The following FGFR1 variants were observed in gnomAD, a reference collection of about 807,000 sequenced individuals.
FGFR1 encodes the protein FGFR1/PLAG1 fusion.
A neutral mutation model predicts 93.7 loss-of-function variants in FGFR1; 18 were observed. That is an observed-to-expected ratio of 0.19 (90% CI 0.13 to 0.28). The LOEUF is 0.28. FGFR1 is among the 10% of genes least tolerant of loss of function. The pLI, the probability that FGFR1 is intolerant of heterozygous loss-of-function variation, is 1.00. For missense variants in FGFR1, 731 were observed against 1,080.4 expected, an observed-to-expected ratio of 0.68 and a Z score of 4.53; for synonymous variants, 448 against 429.3, an observed-to-expected ratio of 1.04 and a Z score of -0.54.
In FGFR1 at chr8:38,413,574, G is replaced by A; in HGVS notation, c.*54C>T. 1 of 1,549,382 alleles carries A rather than the reference G, an allele frequency of 6.5e-7. No homozygotes were observed. Among genetic ancestry groups the A allele is most frequent in the Non-Finnish European group, 8.7e-7 (1 of 1,143,400 alleles). On this transcript the variant is annotated 3_prime_UTR_variant, in exon 18 of 18. Coordinates refer to ENST00000447712, the MANE Select transcript of FGFR1 (RefSeq NM_023110.3). This position sits in a 1 kb window ranked among gnomAD's most constrained non-coding sequence, Gnocchi z 4.2. ...ACAGGTGGTGGGCCCAGCAGGGGCT[G>A]TGGGTGAGGGTTACAGCTGACGGTG... is the stretch of plus-strand genomic sequence containing the variant.
rs1017214871 is a variant in FGFR1 at position 38,412,060 on chromosome 8, C to T, written c.*1568G>A. The T allele has an allele frequency of 9.0e-6, 2 of 222,398 alleles. No individual in the cohort carries two copies. The highest frequency in any genetic ancestry group is 1.8e-5 in the Non-Finnish European group (2 of 111,358). 13.8% of individuals were successfully genotyped at this position (222,398 alleles called of 1,614,324 possible). On this transcript the variant is annotated 3_prime_UTR_variant, in exon 18 of 18. Coordinates refer to ENST00000447712, the MANE Select transcript of FGFR1 (RefSeq NM_023110.3). Reference sequence around the variant, plus strand: ...CTGGGTTTCAGTTTCTGCAGACCTTCATCATTTGTTTTCCTTTTTGTTTTC... The same window carrying T: ...CTGGGTTTCAGTTTCTGCAGACCTTTATCATTTGTTTTCCTTTTTGTTTTC...
intron 2 of FGFR1, among the ~76,000 whole-genome samples, chr8:38,437,357 CAT>C (rs1825806737): frequency 6.6e-6 from 1 of 152,188 alleles, no homozygotes; most frequent in Admixed American, 6.5e-5. Context: ...GCCCAGAAGG[CAT>C]ATGTCTTGCC....
At chr8:38,437,186 C>G (rs1181501018) in intron 2 of FGFR1, among the ~76,000 whole-genome samples, 1 of 152,154 alleles carries the variant, frequency 6.6e-6, no homozygotes, top group African/African-American at 2.4e-5. Context: ...TGGGAACCAT[C>G]AGAGACCCAA....
chr8:38,430,881 G>A (rs749216070), intron 2 of FGFR1: 1 of 151,936 alleles, frequency 6.6e-6, no homozygotes, highest in Non-Finnish European at 1.5e-5. Flanking sequence ...GCCTCTTCCC[G>A]CACGCGTTCA....
chr8:38,461,369 C>G, intron 1 of FGFR1: 1 of 512,740 alleles, frequency 2.0e-6, no homozygotes, highest in Middle Eastern at 5.1e-4. Context: ...GAGTGTTGCT[C>G]TGTCACCCAA....
rs1486438088 is a variant in FGFR1 at position 38,429,769 on chromosome 8, A to G, written c.271T>C (p.Ser91Pro). ...TAGAGGCCGGAGTCTGCGGGCACGG[A>G]GTCCTGCACCTCCACCTCCTCCCCT... ...ITGEEVEVQD[S>P]VPADSGLYAC... is the part of the protein sequence containing the mutation. The change falls in exon 3 of 18, where the codon TCC (serine) becomes CCC (proline). Residue 91 changes from serine (S) to proline (P), a missense_variant. Physicochemically the swap from Ser to Pro is moderately conservative, Grantham distance 74. This residue lies in a region of FGFR1 where 212 missense variants were observed against 205.8 expected (regional missense o/e 1.03). Coordinates refer to ENST00000447712, the MANE Select transcript of FGFR1 (RefSeq NM_023110.3). This position sits in a 1 kb window ranked among gnomAD's most constrained non-coding sequence, Gnocchi z 4.4. 4 of 1,608,080 alleles carry G rather than the reference A, an allele frequency of 2.5e-6. No homozygotes were observed. Among genetic ancestry groups the G allele is most frequent in the Non-Finnish European group, 3.4e-6 (4 of 1,177,392 alleles).
intron 12 of FGFR1, among the ~76,000 whole-genome samples, chr8:38,417,050 A>C (rs532853542): frequency 6.6e-6 from 1 of 152,336 alleles, no homozygotes; most frequent in Admixed American, 6.5e-5. Context: ...CACTGCACCC[A>C]GCCTGAGCGC....
intron 13 of FGFR1, 31 bp from the exon 14 acceptor site, chr8:38,414,932 G>A (rs761228427): frequency 1.9e-5 from 31 of 1,594,480 alleles, no homozygotes; most frequent in Non-Finnish European, 2.5e-5. Flanking sequence ...AGCGGGAGGC[G>A]GGGAGGTGAG....
intron 2 of FGFR1, chr8:38,440,308 T>C: frequency 6.2e-7 from 1 of 1,604,374 alleles, no homozygotes; most frequent in Non-Finnish European, 8.5e-7. Flanking sequence ...AAACTTACCT[T>C]CGGCTGGCAG....
At chr8:38,438,317 GGATCACCTGA>G (rs1316844086) in intron 2 of FGFR1, among the ~76,000 whole-genome samples, 1 of 152,112 alleles carries the variant, frequency 6.6e-6, no homozygotes, top group Non-Finnish European at 1.5e-5. Context: ...CGAAGTGGGT[GGATCACCTGA>G]GATCAGGAGT....
chr8:38,449,104 GAGAAAAAAAAAACAC>G (rs1830280595), intron 2 of FGFR1, among the ~76,000 whole-genome samples: 1 of 149,490 alleles, frequency 6.7e-6, no homozygotes, highest in Admixed American at 6.6e-5. Flanking sequence ...TAGGTCTCAG[GAGAAAAAAAAAACAC>G]AGAAAAAAGA....
intron 1 of FGFR1, among the ~76,000 whole-genome samples, chr8:38,463,884 C>T (rs545747522): frequency 7.2e-5 from 11 of 151,794 alleles, no homozygotes; most frequent in Non-Finnish European, 1.5e-4. Flanking sequence ...GGGGCAAGTA[C>T]TTAATAAACA....
chr8:38,418,452 C>T, intron 9 of FGFR1, 79 bp from the exon 10 acceptor site: 1 of 1,483,458 alleles, frequency 6.7e-7, no homozygotes, highest in Non-Finnish European at 9.2e-7. Flanking sequence ...CAGGGCTTCC[C>T]AACAATGGCA....
rs1288703756 is a variant in FGFR1, at chr8:38,430,293, C to A, written c.92-345G>T. 3 of 281,934 alleles carry A rather than the reference C, an allele frequency of 1.1e-5. No homozygotes were observed. The East Asian group carries it at 2.0e-4, about 19-fold the overall frequency. 17.5% of individuals were successfully genotyped at this position (281,934 alleles called of 1,614,324 possible). A position where few individuals can be genotyped will look rare whatever the true frequency, so the allele number is the denominator to read the frequency against. ...GGCCCTCCCCAGGACTTCTTTGTGT[C>A]CGGAGTTGCCCCCTCCCCAGATGCT... On this transcript the variant is annotated intron_variant, in intron 2 of 17. Coordinates refer to ENST00000447712, the MANE Select transcript of FGFR1 (RefSeq NM_023110.3).
rs2150964857 is a variant in FGFR1, at chr8:38,429,891, A to T, written c.149T>A (p.Leu50Gln). 6.2e-7 allele frequency: 1 copy of T among 1,613,974 alleles called. No homozygotes were observed. Among genetic ancestry groups the T allele is most frequent in the Non-Finnish European group, 8.5e-7 (1 of 1,179,996 alleles). The change falls in exon 3 of 18, where the codon CTG (leucine) becomes CAG (glutamine). Residue 50 changes from leucine to glutamine, a missense_variant. Around this residue, in one of 10 missense-constraint regions of FGFR1, gnomAD observed 212 missense variants for 205.8 expected, o/e 1.03. Coordinates refer to ENST00000447712, the MANE Select transcript of FGFR1 (RefSeq NM_023110.3). The surrounding 1 kb of genome is among the most constrained non-coding windows in gnomAD (Gnocchi z 4.4). ...VESFLVHPGD[L>Q]LQLRCRLRDD... ...CCGCAGCCGACAGCGAAGCTGCAGCAGGTCACCGGGGTGGACCAGGAAGGA... is the reference window on the plus strand; with the variant it reads ...CCGCAGCCGACAGCGAAGCTGCAGCTGGTCACCGGGGTGGACCAGGAAGGA...
intron 2 of FGFR1, chr8:38,435,797 AGAT>A (rs1249481793): frequency 6.6e-6 from 1 of 152,252 alleles, no homozygotes; most frequent in Non-Finnish European, 1.5e-5. Flanking sequence ...TGGCCAAGAA[AGAT>A]GAAGAAAGCC....
chr8:38,425,715 T>C (rs1284228901), intron 6 of FGFR1, among the ~76,000 whole-genome samples: 6 of 152,166 alleles, frequency 3.9e-5, no homozygotes. Flanking sequence ...GCGCCTGTGC[T>C]CCTGTGCAGG....
rs755650325 is a variant in FGFR1 at position 38,428,328 on chromosome 8, T to C, written c.448+18A>G. The stretch of plus-strand genomic sequence containing the variant: ...TGCCCAGACCCAAAGGGCAGTAAGA[T>C]AGGAAACAGTGTCTCACGCATACGG... On this transcript the variant is annotated intron_variant, in intron 4 of 17. Coordinates refer to ENST00000447712, the MANE Select transcript of FGFR1 (RefSeq NM_023110.3). 1 of 1,611,760 alleles carries C rather than the reference T, an allele frequency of 6.2e-7. No individual in the cohort carries two copies. Among genetic ancestry groups the C allele is most frequent in the African/African-American group, 1.3e-5 (1 of 75,020 alleles).
At chr8:38,427,242 T>TCACAAAA (rs1451429990) in intron 5 of FGFR1, among the ~76,000 whole-genome samples, 1 of 151,914 alleles carries the variant, frequency 6.6e-6, no homozygotes, top group African/African-American at 2.4e-5. Flanking sequence ...AACCAGAAAA[T>TCACAAAA]ACCTAATATC....
Sources: gnomAD v4.1 joint callset for allele counts (sites outside exome capture counted in the v4.1 genomes callset) on GRCh38, gnomAD v4.1.1 for gene constraint, gnomAD v4.1.1 regional missense constraint, Gnocchi (gnomAD v3.1) non-coding constraint, MANE v1.5 for transcripts, NCBI Gene and HGNC (gene_info 2026-07-23, HGNC 2026-07-21) for gene names.